The following LRRTM3 variants were observed in gnomAD, a reference collection of about 807,000 sequenced individuals.
LRRTM3 encodes the protein leucine rich repeat transmembrane neuronal 3.
A neutral mutation model predicts 44.7 loss-of-function variants in LRRTM3; 24 were observed. The ratio of observed to expected loss-of-function variants is 0.54; its 90% CI spans 0.39 to 0.76. LRRTM3 has a LOEUF of 0.76. Ranked by LOEUF, LRRTM3 falls within the 30% of genes least tolerant of loss-of-function variation. The probability of loss-of-function intolerance (pLI) is 0.00; values close to 1 mark genes in which losing one functional copy is unlikely to be tolerated. For missense variants in LRRTM3, 587 were observed against 702.2 expected, an observed-to-expected ratio of 0.84 and a Z score of 1.85; for synonymous variants, 277 against 278.7, an observed-to-expected ratio of 0.99 and a Z score of 0.06.
chr10:66,992,192 C>T (rs1851079584), intron 2 of LRRTM3, among the ~76,000 whole-genome samples: 1 of 152,148 alleles, frequency 6.6e-6, no homozygotes, highest in African/African-American at 2.4e-5. Flanking sequence ...TATTGTCATG[C>T]TTTAATTTTT....
At chr10:67,082,050 G>T (rs1039234221) in intron 2 of LRRTM3, among the ~76,000 whole-genome samples, 1 of 152,174 alleles carries the variant, frequency 6.6e-6, no homozygotes, top group South Asian at 2.1e-4. Context: ...TTTGTTAGAA[G>T]TTTAAGCTGG....
chr10:67,006,176 G>A (rs1485152957), intron 2 of LRRTM3, among the ~76,000 whole-genome samples: 1 of 152,096 alleles, frequency 6.6e-6, no homozygotes, highest in Non-Finnish European at 1.5e-5. Flanking sequence ...GTTGCATAAA[G>A]TGAAGCCACA....
intron 2 of LRRTM3, among the ~76,000 whole-genome samples, chr10:67,091,216 A>G (rs760835920): frequency 1.4e-4 from 22 of 152,112 alleles, no homozygotes; most frequent in Non-Finnish European, 2.8e-4. Context: ...ATCAGCTTAT[A>G]TAAATGAAAC....
chr10:67,005,687 T>TTTTTTTTTTTTTTTG lies in LRRTM3; in HGVS notation c.1536+77249_1536+77250insGTTTTTTTTTTTTTT, dbSNP rs1554895951. Among the ~76,000 whole-genome samples, 33 of 102,322 alleles carry TTTTTTTTTTTTTTTG rather than the reference T, an allele frequency of 3.2e-4. 3 individuals carry two copies. The highest frequency in any genetic ancestry group is 9.6e-4 in the African/African-American group (31 of 32,448). 67.1% of individuals were successfully genotyped at this position (102,322 alleles called of 152,430 possible). On this transcript the variant is annotated intron_variant, in intron 2 of 2. Transcript: ENST00000361320. ...TTTTGTTTATTTTACTCCATCTTTTTTTTTTTTTTTTTTTTTGAGACGGAG... is the reference window on the plus strand; with the variant it reads ...TTTTGTTTATTTTACTCCATCTTTTTTTTTTTTTTTTTTTGTTTTTTTTTTTTTTTTGAGACGGAG...
chr10:66,992,496 G>A (rs954749229), intron 2 of LRRTM3, among the ~76,000 whole-genome samples: 20 of 150,934 alleles, frequency 1.3e-4, no homozygotes, highest in African/African-American at 4.9e-4. Context: ...CTAGTTTTAT[G>A]CATTACAAAT....
In LRRTM3 at chr10:67,061,089, A is replaced by G. The variant is rs182070043; in HGVS notation, c.1537-36498A>G. On this transcript the variant is annotated intron_variant, in intron 2 of 2. Transcript: ENST00000361320. Reference sequence around the variant, plus strand: ...TTCATTAATTCTATTCAATCAATAAAAAAAACTAAGGCTAAAAATTAACGG... The same window carrying G: ...TTCATTAATTCTATTCAATCAATAAGAAAAACTAAGGCTAAAAATTAACGG... 1.5e-4 allele frequency among the ~76,000 whole-genome samples: 23 copies of G among 152,294 alleles called. 1 individual carries two copies. The East Asian group carries it at 3.9e-3, about 26-fold the overall frequency.
At chr10:67,019,752 C>G in intron 2 of LRRTM3, among the ~76,000 whole-genome samples, 1 of 152,094 alleles carries the variant, frequency 6.6e-6, no homozygotes. Flanking sequence ...CCTTTGTCTC[C>G]ATGAATACCA....
intron 2 of LRRTM3, among the ~76,000 whole-genome samples, chr10:67,082,542 C>G (rs983444618): frequency 6.6e-6 from 1 of 152,148 alleles, no homozygotes; most frequent in Non-Finnish European, 1.5e-5. Flanking sequence ...TTGAGAATCA[C>G]TTTCTTTCCT....
chr10:67,048,758 C>A (rs953024703), intron 2 of LRRTM3, among the ~76,000 whole-genome samples: 1 of 151,910 alleles, frequency 6.6e-6, no homozygotes, highest in South Asian at 2.1e-4. Context: ...ACAGAAAATG[C>A]CAAAATGACA....
At position 67,097,653 on chromosome 10, in the gene LRRTM3, G is replaced by A; in HGVS notation, c.1603G>A (p.Val535Met). 1.9e-6 allele frequency: 3 copies of A among 1,612,586 alleles called. No individual in the cohort carries two copies. Among genetic ancestry groups the A allele is most frequent in the Non-Finnish European group, 2.5e-6 (3 of 1,178,998 alleles). Residue 535 changes from valine to methionine, a missense_variant, in exon 3 of 3, where the codon GTG (valine) becomes ATG (methionine). Around this residue, in one of 3 missense-constraint regions of LRRTM3, gnomAD observed 315 missense variants for 335.6 expected, o/e 0.94. Coordinates refer to ENST00000361320, the MANE Select transcript of LRRTM3 (RefSeq NM_178011.5). ...CCAGCCCACAATAAGTTACTGTGGGGTGCATCATGAACTTCTCTCCCATAA... is the reference window on the plus strand; with the variant it reads ...CCAGCCCACAATAAGTTACTGTGGGATGCATCATGAACTTCTCTCCCATAA... The part of the protein sequence containing the change: ...YDQPTISYCG[V>M]HHELLSHKSF...
chr10:66,958,572 G>T (rs938873846), intron 2 of LRRTM3, among the ~76,000 whole-genome samples: 1 of 152,034 alleles, frequency 6.6e-6, no homozygotes, highest in Non-Finnish European at 1.5e-5. Context: ...AATTCAATAA[G>T]TAAGTAAGCG....
At chr10:66,968,103 A>C (rs577618960) in intron 2 of LRRTM3, among the ~76,000 whole-genome samples, 2 of 152,036 alleles carry the variant, frequency 1.3e-5, no homozygotes, top group South Asian at 2.1e-4. Context: ...AGCCTGAAAA[A>C]CCCAATCTGT....
At chr10:67,046,502 G>A (rs12411290) in intron 2 of LRRTM3, among the ~76,000 whole-genome samples, 53,806 of 151,972 alleles carry the variant, frequency 0.35, 9,981 homozygotes, top group Middle Eastern at 0.55. Flanking sequence ...GAAGAACAAG[G>A]GGATTCCTGG....
intron 2 of LRRTM3, among the ~76,000 whole-genome samples, chr10:67,065,027 T>C (rs1314008427): frequency 6.6e-6 from 1 of 152,174 alleles, no homozygotes; most frequent in Non-Finnish European, 1.5e-5. Context: ...CCAACACTTA[T>C]GGTCCTACAT....
intron 2 of LRRTM3, among the ~76,000 whole-genome samples, chr10:67,020,441 A>G (rs1194216167): frequency 6.6e-6 from 1 of 152,186 alleles, no homozygotes; most frequent in African/African-American, 2.4e-5. Context: ...ACTTATCTCA[A>G]TTGTAAGTTA....
intron 2 of LRRTM3, among the ~76,000 whole-genome samples, chr10:66,979,941 T>C (rs10740263): frequency 0.94 from 143,767 of 152,224 alleles, 68,364 homozygotes; most frequent in East Asian, 1. Context: ...CCTCAAGTAC[T>C]GTTGGAACAC....
intron 2 of LRRTM3, among the ~76,000 whole-genome samples, chr10:66,951,380 T>C (rs982774634): frequency 2.0e-5 from 3 of 152,164 alleles, no homozygotes; most frequent in African/African-American, 7.2e-5. Flanking sequence ...CCTCCCAGAG[T>C]GCTGGGATTA....
At chr10:66,973,874 G>T (rs555167055) in intron 2 of LRRTM3, among the ~76,000 whole-genome samples, 2 of 151,940 alleles carry the variant, frequency 1.3e-5, no homozygotes, top group African/African-American at 4.8e-5. Context: ...TATCCCCCTC[G>T]GCCTCCCAAA....
chr10:66,960,111 T>C (rs1849035546), intron 2 of LRRTM3, among the ~76,000 whole-genome samples: 1 of 152,162 alleles, frequency 6.6e-6, no homozygotes, highest in Non-Finnish European at 1.5e-5. Context: ...TAAAAATATT[T>C]CTTTCTCTCC....
Sources: allele counts gnomAD v4.1 joint callset (sites outside exome capture counted in the v4.1 genomes callset), GRCh38; gene constraint gnomAD v4.1.1; regional missense constraint gnomAD v4.1.1; transcripts MANE v1.5; gene names NCBI Gene and HGNC (gene_info 2026-07-23, HGNC 2026-07-21).